FAM200C: variants seen among roughly 807,000 people sequenced by gnomAD.
chr5:160,394,070 A>G, the FAM200C span: 31 of 1,611,796 alleles, frequency 1.9e-5, no homozygotes, highest in African/African-American at 3.9e-4. Context: ...TGGATCCAAT[A>G]TCCATTTACT....
At chr5:160,393,900 C>T in the FAM200C span, 9 of 1,614,056 alleles carry the variant, frequency 5.6e-6, no homozygotes, top group Middle Eastern at 1.6e-4. Flanking sequence ...ATTTCTAGAG[C>T]TGTCTTTGCC....
the FAM200C span, among the ~76,000 whole-genome samples, chr5:160,397,245 A>G: frequency 6.6e-6 from 1 of 152,210 alleles, no homozygotes; most frequent in Admixed American, 6.5e-5. Flanking sequence ...CCTTCAAACC[A>G]ATCCTTAGCT....
At chr5:160,394,173 C>T in the FAM200C span, 2 of 1,610,352 alleles carry the variant, frequency 1.2e-6, no homozygotes, top group Admixed American at 1.7e-5. Flanking sequence ...ATGAATATGC[C>T]TTCATTATCT....
At chr5:160,394,417 G>C in the FAM200C span, 8 of 1,613,396 alleles carry the variant, frequency 5.0e-6, no homozygotes, top group Admixed American at 3.3e-5. Flanking sequence ...CTAAATTACT[G>C]CTCTTGTGGT....
At chr5:160,393,190 G>C in the FAM200C span, 1 of 152,564 alleles carries the variant, frequency 6.6e-6, no homozygotes, top group African/African-American at 2.4e-5. Context: ...TCATAGCACA[G>C]GAGCTAGGGG....
chr5:160,399,667 T>C, the FAM200C span: 48,004 of 151,842 alleles, frequency 0.32, 7,958 homozygotes, highest in Middle Eastern at 0.4. Flanking sequence ...GATTTAATTA[T>C]AAGAATGCAT....
chr5:160,397,790 T>C, the FAM200C span, among the ~76,000 whole-genome samples: 2 of 152,254 alleles, frequency 1.3e-5, no homozygotes, highest in African/African-American at 4.8e-5. Flanking sequence ...TGAGACTACA[T>C]GACCACTTTT....
chr5:160,393,885 T>C, the FAM200C span: 1 of 1,614,132 alleles, frequency 6.2e-7, no homozygotes, highest in Non-Finnish European at 8.5e-7. Flanking sequence ...GCAAATGGCA[T>C]AAGGATTTCT....
At chr5:160,398,646 A>G in the FAM200C span, among the ~76,000 whole-genome samples, 7 of 152,222 alleles carry the variant, frequency 4.6e-5, no homozygotes, top group Non-Finnish European at 7.3e-5. Flanking sequence ...TCTGTTTTGA[A>G]CAGTTTTAGG....
chr5:160,397,795 A>G, the FAM200C span, among the ~76,000 whole-genome samples: 1 of 152,270 alleles, frequency 6.6e-6, no homozygotes, highest in Non-Finnish European at 1.5e-5. Context: ...CTACATGACC[A>G]CTTTTGCTTA....
the FAM200C span, among the ~76,000 whole-genome samples, chr5:160,398,908 T>C: frequency 6.8e-6 from 1 of 146,586 alleles, no homozygotes; most frequent in African/African-American, 2.8e-5. Context: ...TTTTAAAAAG[T>C]CCTCATTTGT....
chr5:160,394,011 C>A, the FAM200C span: 1 of 1,612,934 alleles, frequency 6.2e-7, no homozygotes, highest in Non-Finnish European at 8.5e-7. Context: ...TCAGCAAGAT[C>A]ATTTTTCATT....
the FAM200C span, among the ~76,000 whole-genome samples, chr5:160,396,874 C>T: frequency 6.6e-6 from 1 of 152,182 alleles, no homozygotes; most frequent in South Asian, 2.1e-4. Flanking sequence ...AGAACACACA[C>T]ATGCACATAC....
the FAM200C span, chr5:160,395,156 G>C: frequency 6.2e-7 from 1 of 1,613,856 alleles, no homozygotes; most frequent in Non-Finnish European, 8.5e-7. Flanking sequence ...TAACTTTTCA[G>C]CTACTGTATG....
At chr5:160,393,148 T>C in the FAM200C span, 1 of 152,246 alleles carries the variant, frequency 6.6e-6, no homozygotes. Flanking sequence ...CAAACAGTGA[T>C]TAATATATTA....
At chr5:160,394,983 G>A in the FAM200C span, 2 of 1,613,812 alleles carry the variant, frequency 1.2e-6, no homozygotes, top group Non-Finnish European at 1.7e-6. Context: ...CCCACTTTAA[G>A]AGGACTGGCT....
At chr5:160,395,206 C>CGATGCTTGTAATAAAGTATCCTCATGA in the FAM200C span, 2 of 1,613,578 alleles carry the variant, frequency 1.2e-6, no homozygotes, top group Non-Finnish European at 1.7e-6. Flanking sequence ...CAAATTGATA[C>CGATGCTTGTAATAAAGTATCCTCATGA]GATGCTTGTA....
chr5:160,393,845 G>C, the FAM200C span: 1 of 1,613,826 alleles, frequency 6.2e-7, no homozygotes, highest in South Asian at 1.1e-5. Flanking sequence ...TAAAAGTGAT[G>C]AAAATCCCAA....
chr5:160,393,467 G>C, the FAM200C span: 1 of 523,006 alleles, frequency 1.9e-6, no homozygotes, highest in Non-Finnish European at 3.3e-6. Context: ...CACACGAACA[G>C]GTTAAACAGA....
Sources: allele counts gnomAD v4.1 joint callset (sites outside exome capture counted in the v4.1 genomes callset), GRCh38; gene constraint gnomAD v4.1.1; transcripts MANE v1.5.